Variants in KCNMA1 observed in about 807,000 individuals in gnomAD.
KCNMA1 encodes potassium calcium-activated channel subfamily M alpha 1, also known as Calcium-activated potassium channel subunit alpha-1.
Under a neutral mutation model 140.0 loss-of-function variants are expected in KCNMA1, and 29 were observed. The observed-to-expected ratio is 0.21, with a 90% CI of 0.15 to 0.28. KCNMA1 has a LOEUF of 0.28. KCNMA1 is among the 10% of genes least tolerant of loss of function. The pLI is 1.00. For missense variants in KCNMA1, 880 were observed against 1,602.2 expected (o/e 0.55, Z 7.70); for synonymous variants, 612 against 611.9 (o/e 1.00, Z 0.00).
At chr10:77,453,390 T>TAAATAAATAATC (rs2097699691) in intron 1 of KCNMA1, among the ~76,000 whole-genome samples, 1 of 151,788 alleles carries the variant, frequency 6.6e-6, no homozygotes, top group Non-Finnish European at 1.5e-5. Flanking sequence ...AATAAATAAA[T>TAAATAAATAATC]AATCTTATCT....
At chr10:77,140,128 C>T (rs1298088955) in intron 5 of KCNMA1, among the ~76,000 whole-genome samples, 1 of 152,202 alleles carries the variant, frequency 6.6e-6, no homozygotes, top group African/African-American at 2.4e-5. Flanking sequence ...AGCACATCTG[C>T]GTTGGGTGGG....
In KCNMA1 at chr10:77,096,359, G is replaced by A. The variant is rs537400666; in HGVS notation, c.1224-5849C>T. 1.7e-3 allele frequency among the ~76,000 whole-genome samples: 252 copies of A among 152,184 alleles called. 3 individuals are homozygous for A. The highest frequency in any genetic ancestry group is 5.4e-3 in the African/African-American group (226 of 41,528). On this transcript the variant is annotated intron_variant, in intron 9 of 27. Transcript: ENST00000286628. ...CACACAGGGCTCCAGTTCTCTGTCCGACCTTAGTTCACACCTCCATCATAC... is the reference window on the plus strand; with the variant it reads ...CACACAGGGCTCCAGTTCTCTGTCCAACCTTAGTTCACACCTCCATCATAC...
chr10:77,014,484 AT>A (rs2091582393), intron 17 of KCNMA1, among the ~76,000 whole-genome samples: 1 of 151,542 alleles, frequency 6.6e-6, no homozygotes, highest in African/African-American at 2.4e-5. Context: ...TATATAATTC[AT>A]TTTTAACTAT....
chr10:77,588,808 A>G (rs956338838), intron 1 of KCNMA1, among the ~76,000 whole-genome samples: 2 of 152,350 alleles, frequency 1.3e-5, no homozygotes, highest in African/African-American at 4.8e-5. Flanking sequence ...TGACAAATCA[A>G]TCCACTGCAT....
chr10:76,952,106 A>G, intron 21 of KCNMA1: 1 of 1,552,210 alleles, frequency 6.4e-7, no homozygotes, highest in Non-Finnish European at 8.7e-7. Context: ...CTACACCAAT[A>G]TCCAGGCAAG....
chr10:77,229,281 T>C (rs2052655940), intron 3 of KCNMA1, among the ~76,000 whole-genome samples: 1 of 144,662 alleles, frequency 6.9e-6, no homozygotes, highest in African/African-American at 2.6e-5. Flanking sequence ...AGAATAAACA[T>C]ATTGCAATTT....
chr10:77,066,050 G>A (rs947923498), intron 14 of KCNMA1, among the ~76,000 whole-genome samples: 1 of 152,188 alleles, frequency 6.6e-6, no homozygotes, highest in Non-Finnish European at 1.5e-5. Context: ...CTTAGGACCT[G>A]CAGGCCATTG....
intron 18 of KCNMA1, among the ~76,000 whole-genome samples, chr10:77,011,513 G>C (rs1457114315): frequency 2.0e-5 from 3 of 152,272 alleles, no homozygotes; most frequent in South Asian, 4.1e-4. Flanking sequence ...AAACTAGCAG[G>C]AATTCCAAAT....
intron 1 of KCNMA1, among the ~76,000 whole-genome samples, chr10:77,538,281 G>A (rs1474982238): frequency 6.6e-6 from 1 of 151,850 alleles, no homozygotes; most frequent in Admixed American, 6.6e-5. Flanking sequence ...CACTCACACT[G>A]CATACATGTG....
At chr10:77,620,921 G>C (rs549172029) in intron 1 of KCNMA1, among the ~76,000 whole-genome samples, 2 of 152,160 alleles carry the variant, frequency 1.3e-5, no homozygotes, top group South Asian at 4.1e-4. Flanking sequence ...TGTGAGTGGC[G>C]CCCTGGAATC....
intron 1 of KCNMA1, among the ~76,000 whole-genome samples, chr10:77,407,003 C>T (rs986869315): frequency 2.0e-5 from 3 of 152,176 alleles, no homozygotes; most frequent in African/African-American, 7.2e-5. Context: ...ATTCATAGCA[C>T]AAGAGGTATG....
At chr10:77,132,522 ATTTTT>A (rs34605286) in intron 5 of KCNMA1, among the ~76,000 whole-genome samples, 2 of 138,412 alleles carry the variant, frequency 1.4e-5, no homozygotes, top group South Asian at 2.3e-4. Context: ...AGCAGGTTAA[ATTTTT>A]TTTTTTTTTT....
In KCNMA1 at chr10:77,620,921, G is replaced by A. The variant is rs549172029; in HGVS notation, c.378+16344C>T. Reference sequence around the variant, plus strand: ...CATTCATGACCAGGATGTGAGTGGCGCCCTGGAATCATGCAATGTGGTTAC... The same window carrying A: ...CATTCATGACCAGGATGTGAGTGGCACCCTGGAATCATGCAATGTGGTTAC... On this transcript the variant is annotated intron_variant, in intron 1 of 27. Transcript: ENST00000286628. Among the ~76,000 whole-genome samples the A allele has an allele frequency of 3.9e-5, 6 of 152,278 alleles. No homozygotes were observed. The South Asian group carries it at 8.3e-4, about 21-fold the overall frequency.
intron 1 of KCNMA1, among the ~76,000 whole-genome samples, chr10:77,507,344 T>C (rs1045468254): frequency 1.3e-5 from 2 of 152,154 alleles, no homozygotes; most frequent in African/African-American, 2.4e-5. Context: ...AACGTGGAGA[T>C]GACTTTCCAA....
In KCNMA1 at chr10:77,578,515, A is replaced by G. The variant is rs185716835; in HGVS notation, c.378+58750T>C. Among the ~76,000 whole-genome samples the G allele has an allele frequency of 6.9e-3, 1,046 of 152,294 alleles. 13 individuals carry two copies. The highest frequency in any genetic ancestry group is 0.048 in the Middle Eastern group (14 of 294). On this transcript the variant is annotated intron_variant, in intron 1 of 27. Coordinates refer to ENST00000286628, the MANE Select transcript of KCNMA1 (RefSeq NM_001161352.2). Reference sequence around the variant, plus strand: ...GTCTGAGGGAAGCCTGCAGCCCCCAACGAGGGAGGAGGACTCTGACTTGAA... The same window carrying G: ...GTCTGAGGGAAGCCTGCAGCCCCCAGCGAGGGAGGAGGACTCTGACTTGAA...
intron 2 of KCNMA1, among the ~76,000 whole-genome samples, chr10:77,387,175 G>C (rs565571593): frequency 6.6e-6 from 1 of 152,288 alleles, no homozygotes; most frequent in Non-Finnish European, 1.5e-5. Flanking sequence ...CTGTGGCTCT[G>C]AAATCCACCC....
intron 1 of KCNMA1, among the ~76,000 whole-genome samples, chr10:77,524,499 G>A (rs1397550693): frequency 6.6e-6 from 1 of 152,072 alleles, no homozygotes; most frequent in Non-Finnish European, 1.5e-5. Context: ...TTCTCCTCTG[G>A]GACTCTTCAA....
At chr10:76,961,584 A>G (rs1292028637) in intron 20 of KCNMA1, among the ~76,000 whole-genome samples, 1 of 152,358 alleles carries the variant, frequency 6.6e-6, no homozygotes, top group East Asian at 1.9e-4. Context: ...ATCCAACAGC[A>G]TCACATGCTA....
At chr10:77,052,371 T>C (rs535458803) in intron 14 of KCNMA1, among the ~76,000 whole-genome samples, 3 of 152,286 alleles carry the variant, frequency 2.0e-5, no homozygotes, top group East Asian at 1.9e-4. Flanking sequence ...AAATGGATCA[T>C]GTGTGGGTAG....
Sources: gnomAD v4.1 joint callset for allele counts (sites outside exome capture counted in the v4.1 genomes callset) on GRCh38, gnomAD v4.1.1 for gene constraint, MANE v1.5 for transcripts, NCBI Gene and HGNC (gene_info 2026-07-23, HGNC 2026-07-21) for gene names.